NTM: variants seen among roughly 807,000 people sequenced by gnomAD.
The protein encoded by NTM is neurotrimin.
A neutral mutation model predicts 42.1 loss-of-function variants in NTM; 13 were observed. The observed-to-expected ratio is 0.31, with a 90% confidence interval of 0.20 to 0.49. The LOEUF (loss-of-function observed/expected upper bound fraction) is 0.49. Among genes scored for constraint, NTM ranks in the 20% least tolerant of loss-of-function variants. The probability of loss-of-function intolerance (pLI) is 0.99; values close to 1 mark genes in which losing one functional copy is unlikely to be tolerated. For missense variants in NTM, 373 were observed against 452.8 expected, an observed-to-expected ratio of 0.82 and a Z score of 1.60; for synonymous variants, 187 against 179.2, an observed-to-expected ratio of 1.04 and a Z score of -0.35.
At chr11:131,959,243 C>T (rs1259571674) in intron 2 of NTM, among the ~76,000 whole-genome samples, 2 of 152,146 alleles carry the variant, frequency 1.3e-5, no homozygotes, top group African/African-American at 4.8e-5. Context: ...GAGGTGTTCT[C>T]TTTATTTTAC....
intron 4 of NTM, among the ~76,000 whole-genome samples, chr11:132,219,406 G>A (rs913075259): frequency 7.2e-5 from 11 of 152,242 alleles, no homozygotes; most frequent in African/African-American, 2.4e-4. Flanking sequence ...TAAAGCACCA[G>A]ATGTTTTGGG....
At chr11:131,761,069 G>A (rs1453627873) in intron 1 of NTM, among the ~76,000 whole-genome samples, 1 of 152,112 alleles carries the variant, frequency 6.6e-6, no homozygotes, top group Admixed American at 6.5e-5. Flanking sequence ...ATGTGGGGTG[G>A]GCAGGGCAGG....
At chr11:132,227,969 A>T (rs1350817350) in intron 4 of NTM, among the ~76,000 whole-genome samples, 2 of 152,140 alleles carry the variant, frequency 1.3e-5, no homozygotes, top group African/African-American at 4.8e-5. Context: ...AAAGTCCTCA[A>T]TATTTAACCC....
At chr11:131,426,097 T>C (rs1948109997) in intron 1 of NTM, among the ~76,000 whole-genome samples, 2 of 152,072 alleles carry the variant, frequency 1.3e-5, no homozygotes, top group Admixed American at 1.3e-4. Flanking sequence ...CACTGAGGGC[T>C]GGGGGGTCTT....
intron 2 of NTM, among the ~76,000 whole-genome samples, chr11:132,134,389 T>C (rs2067367253): frequency 6.6e-6 from 1 of 151,946 alleles, no homozygotes; most frequent in South Asian, 2.1e-4. Flanking sequence ...GTGAATAAGT[T>C]CTTCAGTGGT....
At chr11:132,254,124 T>G (rs2092260358) in intron 4 of NTM, among the ~76,000 whole-genome samples, 1 of 152,150 alleles carries the variant, frequency 6.6e-6, no homozygotes, top group Admixed American at 6.5e-5. Flanking sequence ...CTTCTAGATT[T>G]GAGCTGCCAA....
At chr11:131,458,020 T>C (rs1031659109) in intron 1 of NTM, among the ~76,000 whole-genome samples, 1 of 152,142 alleles carries the variant, frequency 6.6e-6, no homozygotes, top group African/African-American at 2.4e-5. Context: ...CAGTATTCTG[T>C]TATAGAAGCC....
chr11:131,846,982 G>C (rs560347758), intron 1 of NTM, among the ~76,000 whole-genome samples: 1 of 152,160 alleles, frequency 6.6e-6, no homozygotes, highest in East Asian at 1.9e-4. Flanking sequence ...AAGGTCTAGG[G>C]TCTTGTTAAG....
At chr11:131,521,221 A>G (rs1332289322) in intron 1 of NTM, among the ~76,000 whole-genome samples, 1 of 151,210 alleles carries the variant, frequency 6.6e-6, no homozygotes, top group Non-Finnish European at 1.5e-5. Flanking sequence ...AGGCTGAGGC[A>G]GAAGAATCAC....
rs574215742 is a variant in NTM, at chr11:132,107,134, A to G, written c.168-39148A>G. Among the ~76,000 whole-genome samples, 3 of 152,186 alleles carry G rather than the reference A, an allele frequency of 2.0e-5. No homozygotes were observed. The South Asian group carries it at 6.2e-4, about 32-fold the overall frequency. ...GTGGTTAGAATAGAGACCCGTTCTC[A>G]TGGATGTTACCCCTGGCCAAAAGAA... On this transcript the variant is annotated intron_variant, in intron 2 of 8. Coordinates refer to ENST00000683400, the MANE Select transcript of NTM (RefSeq NM_001352005.2).
At chr11:131,702,818 C>T (rs1565445892) in intron 1 of NTM, among the ~76,000 whole-genome samples, 1 of 152,114 alleles carries the variant, frequency 6.6e-6, no homozygotes, top group East Asian at 1.9e-4. Context: ...GGACGAATAG[C>T]CCCGACTATT....
At chr11:132,047,426 G>T (rs1040668505) in intron 2 of NTM, among the ~76,000 whole-genome samples, 1 of 152,256 alleles carries the variant, frequency 6.6e-6, no homozygotes, top group African/African-American at 2.4e-5. Flanking sequence ...TGACTCCTGA[G>T]TATCTCTCTT....
intron 3 of NTM, among the ~76,000 whole-genome samples, chr11:132,176,777 G>A (rs1207092542): frequency 8.1e-6 from 1 of 124,154 alleles, no homozygotes; most frequent in African/African-American, 3.0e-5. Flanking sequence ...CACCCAGTCT[G>A]GAGTGCAGTG....
chr11:131,893,302 C>A (rs2051681248), intron 1 of NTM, among the ~76,000 whole-genome samples: 1 of 152,142 alleles, frequency 6.6e-6, no homozygotes, highest in Non-Finnish European at 1.5e-5. Flanking sequence ...CCCACTCATG[C>A]AAATACAGGT....
chr11:132,056,990 A>T (rs974493283), intron 2 of NTM, among the ~76,000 whole-genome samples: 44 of 152,312 alleles, frequency 2.9e-4, no homozygotes, highest in African/African-American at 1.0e-3. Flanking sequence ...TGTTAGTACG[A>T]TTGTTTGAAT....
chr11:131,496,682 T>C (rs1276426118), intron 1 of NTM, among the ~76,000 whole-genome samples: 2 of 152,222 alleles, frequency 1.3e-5, no homozygotes, highest in African/African-American at 4.8e-5. Context: ...GCATTTAGCT[T>C]GTTCCAGTTC....
At chr11:131,935,761 G>A (rs1415283729) in intron 2 of NTM, among the ~76,000 whole-genome samples, 3 of 152,144 alleles carry the variant, frequency 2.0e-5, no homozygotes, top group Non-Finnish European at 4.4e-5. Context: ...CTCCTTACCT[G>A]TAGAATTTTA....
chr11:131,698,754 C>A (rs370357968), intron 1 of NTM, among the ~76,000 whole-genome samples: 6 of 152,182 alleles, frequency 3.9e-5, no homozygotes, highest in African/African-American at 1.2e-4. Flanking sequence ...GCCAGGCTTC[C>A]TTGTTAGGAG....
intron 1 of NTM, among the ~76,000 whole-genome samples, chr11:131,848,388 C>A (rs1451498267): frequency 1.3e-5 from 2 of 152,192 alleles, no homozygotes; most frequent in African/African-American, 2.4e-5. Flanking sequence ...GGTTAAACTG[C>A]AGCCATTTGG....
Sources: allele counts gnomAD v4.1 joint callset (sites outside exome capture counted in the v4.1 genomes callset), GRCh38; gene constraint gnomAD v4.1.1; transcripts MANE v1.5; gene names NCBI Gene and HGNC (gene_info 2026-07-23, HGNC 2026-07-21).